Variants in SEC11A observed in about 807,000 individuals in gnomAD.
SEC11A encodes the protein signal peptidase complex catalytic subunit SEC11A.
SEC11A carries 14 observed loss-of-function variants against 25.6 expected under a neutral mutation model. The ratio of observed to expected loss-of-function variants is 0.55; its 90% CI spans 0.36 to 0.85. The LOEUF (loss-of-function observed/expected upper bound fraction) is 0.85. SEC11A is among the 40% of genes least tolerant of loss of function. The probability of loss-of-function intolerance (pLI) is 0.01; values close to 1 mark genes in which losing one functional copy is unlikely to be tolerated. For missense variants in SEC11A, 153 were observed against 222.9 expected (o/e 0.69, Z 2.00); for synonymous variants, 83 against 76.4 (o/e 1.09, Z -0.45).
chr15:84,697,250 A>G (rs1255805604), intron 1 of SEC11A, among the ~76,000 whole-genome samples: 2 of 152,172 alleles, frequency 1.3e-5, no homozygotes, highest in African/African-American at 4.8e-5. Flanking sequence ...TAACAGTGTG[A>G]GATCTTGTCT....
chr15:84,709,312 G>A (rs557640039), intron 1 of SEC11A, among the ~76,000 whole-genome samples: 10 of 151,638 alleles, frequency 6.6e-5, no homozygotes, highest in Non-Finnish European at 1.5e-4. Context: ...TACTACAGGT[G>A]CACCACCGCA....
At chr15:84,677,905 C>T (rs1178977723) in intron 4 of SEC11A, among the ~76,000 whole-genome samples, 1 of 152,134 alleles carries the variant, frequency 6.6e-6, no homozygotes, top group African/African-American at 2.4e-5. Context: ...ACTTAAGAAT[C>T]AAGACCCAGG....
At position 84,696,577 on chromosome 15, in the gene SEC11A, C is replaced by T. The variant is rs150252907; in HGVS notation, c.52-4933G>A. 2.2e-4 allele frequency among the ~76,000 whole-genome samples: 34 copies of T among 152,232 alleles called. No individual in the cohort carries two copies. The East Asian group carries it at 2.5e-3, about 11-fold the overall frequency. On this transcript the variant is annotated intron_variant, in intron 1 of 5. Transcript: ENST00000268220. ...TAGCTCCATAATCCCTTACTCAAAA[C>T]CCTTGGGGGTCAGATGTGTTCCAGG...
intron 1 of SEC11A, among the ~76,000 whole-genome samples, chr15:84,697,833 T>G (rs992999178): frequency 6.6e-6 from 1 of 152,172 alleles, no homozygotes; most frequent in African/African-American, 2.4e-5. Context: ...ATAAAGACAT[T>G]GCAACATATG....
At chr15:84,689,687 A>G (rs1409159243) in intron 2 of SEC11A, among the ~76,000 whole-genome samples, 1 of 150,974 alleles carries the variant, frequency 6.6e-6, no homozygotes, top group Non-Finnish European at 1.5e-5. Context: ...CGCTCACTGC[A>G]ATCTCCGCCT....
At chr15:84,705,836 G>C (rs992742623) in intron 1 of SEC11A, among the ~76,000 whole-genome samples, 1 of 151,630 alleles carries the variant, frequency 6.6e-6, no homozygotes, top group East Asian at 2.0e-4. Context: ...GCCTGGGCAA[G>C]AGAGCGAGAT....
chr15:84,715,970 A>C, intron 1 of SEC11A, 55 bp downstream of exon 1: 3 of 1,561,980 alleles, frequency 1.9e-6, no homozygotes, highest in Non-Finnish European at 2.6e-6. Context: ...GCCCCGCAGC[A>C]GCAGCCTCGA....
At chr15:84,709,681 G>A (rs973053700) in intron 1 of SEC11A, among the ~76,000 whole-genome samples, 1 of 151,930 alleles carries the variant, frequency 6.6e-6, no homozygotes, top group Non-Finnish European at 1.5e-5. Flanking sequence ...GACCTCAAGT[G>A]ATCTGCCGGC....
intron 1 of SEC11A, among the ~76,000 whole-genome samples, chr15:84,704,412 G>C (rs1297740348): frequency 6.6e-6 from 1 of 152,094 alleles, no homozygotes; most frequent in Non-Finnish European, 1.5e-5. Context: ...GCCAGTTTTC[G>C]ATTTATTGTC....
At chr15:84,697,857 A>G (rs1897813616) in intron 1 of SEC11A, among the ~76,000 whole-genome samples, 1 of 152,222 alleles carries the variant, frequency 6.6e-6, no homozygotes, top group Non-Finnish European at 1.5e-5. Context: ...AATAATAACC[A>G]CAGAATTGAA....
At chr15:84,685,510 G>A (rs1385144210) in intron 3 of SEC11A, among the ~76,000 whole-genome samples, 1 of 151,080 alleles carries the variant, frequency 6.6e-6, no homozygotes, top group Non-Finnish European at 1.5e-5. Flanking sequence ...CTGCGCTCAA[G>A]CACTCCACCC....
intron 4 of SEC11A, among the ~76,000 whole-genome samples, chr15:84,678,129 A>C (rs1319880969): frequency 1.3e-5 from 2 of 151,862 alleles, no homozygotes; most frequent in Non-Finnish European, 2.9e-5. Flanking sequence ...CCTGAGAGGC[A>C]GAGGTTGCAA....
intron 4 of SEC11A, 121 bp from the exon 5 acceptor site, chr15:84,670,903 T>C: frequency 2.0e-6 from 1 of 508,766 alleles, no homozygotes; most frequent in Non-Finnish European, 3.5e-6. Context: ...AGTCCATTTC[T>C]ATATACTGCC....
chr15:84,702,812 C>T (rs925323501), intron 1 of SEC11A, among the ~76,000 whole-genome samples: 1 of 152,142 alleles, frequency 6.6e-6, no homozygotes, highest in Non-Finnish European at 1.5e-5. Flanking sequence ...GCAAATTCCA[C>T]CAGACATTTA....
chr15:84,691,453 T>C lies in SEC11A; in HGVS notation c.161+82A>G, dbSNP rs16974497. The C allele has an allele frequency of 2.6e-3, 1,994 of 753,478 alleles. 32 individuals carry two copies. The African/African-American group carries it at 0.031, about 12-fold the overall frequency. 46.7% of individuals were successfully genotyped at this position (753,478 alleles called of 1,614,324 possible). On this transcript the variant is annotated intron_variant, in intron 2 of 5. Coordinates refer to ENST00000268220, the MANE Select transcript of SEC11A (RefSeq NM_014300.4). ...TGGAAAAGAGTAGTTTCTAAGAGAA[T>C]GATATGCCAGTTATTTCATATCTCA...
intron 4 of SEC11A, among the ~76,000 whole-genome samples, chr15:84,674,362 G>A (rs1202509157): frequency 1.3e-5 from 2 of 152,174 alleles, no homozygotes; most frequent in African/African-American, 2.4e-5. Context: ...GTAAAGTACA[G>A]ATTAAGAGCT....
chr15:84,669,673 G>T lies in SEC11A; in HGVS notation c.*346C>A. The T allele has an allele frequency of 3.7e-6, 1 of 271,162 alleles. No individual in the cohort carries two copies. The allele number at this position is 271,162 out of a possible 1,614,324, so 16.8% of individuals were successfully genotyped here. A position where few individuals can be genotyped will look rare whatever the true frequency, so the allele number is the denominator to read the frequency against. On this transcript the variant is annotated 3_prime_UTR_variant, in exon 6 of 6. Transcript: ENST00000268220. ...TGCAGAGCTGCATTTTCATTTACAAGTCTCTGTAGGCACTTTAGAAGTGAA... is the reference window on the plus strand; with the variant it reads ...TGCAGAGCTGCATTTTCATTTACAATTCTCTGTAGGCACTTTAGAAGTGAA...
At chr15:84,689,047 A>C (rs1897518983) in intron 2 of SEC11A, among the ~76,000 whole-genome samples, 2 of 149,260 alleles carry the variant, frequency 1.3e-5, no homozygotes, top group Non-Finnish European at 3.0e-5. Context: ...AAAAAAAAAG[A>C]AGAAGAAGAA....
intron 1 of SEC11A, among the ~76,000 whole-genome samples, chr15:84,712,780 C>T (rs926156204): frequency 6.6e-6 from 1 of 152,122 alleles, no homozygotes; most frequent in African/African-American, 2.4e-5. Flanking sequence ...AATACATACT[C>T]TATGATTCCA....
Sources: allele counts gnomAD v4.1 joint callset (sites outside exome capture counted in the v4.1 genomes callset), GRCh38; gene constraint gnomAD v4.1.1; transcripts MANE v1.5; gene names NCBI Gene and HGNC (gene_info 2026-07-23, HGNC 2026-07-21).